Variants in UTP6 observed in about 807,000 individuals in gnomAD.
UTP6 encodes U3 small nucleolar RNA-associated protein 6 homolog.
UTP6 carries 60 observed loss-of-function variants against 96.5 expected under a neutral mutation model. The ratio of observed to expected loss-of-function variants is 0.62; its 90% CI spans 0.51 to 0.77. The LOEUF (loss-of-function observed/expected upper bound fraction) is 0.77. Ranked by LOEUF, UTP6 falls within the 30% of genes least tolerant of loss-of-function variation. UTP6 has a pLI of 0.00. For synonymous variants in UTP6, 215 were observed against 240.1 expected (o/e 0.90, Z 0.96); for missense variants, 637 against 706.5 (o/e 0.90, Z 1.12).
At chr17:31,896,625 C>CT (rs1050423624) in intron 2 of UTP6, among the ~76,000 whole-genome samples, 3 of 148,762 alleles carry the variant, frequency 2.0e-5, no homozygotes, top group Non-Finnish European at 4.4e-5. Flanking sequence ...TTTGTAGTGT[C>CT]TTTTTTGCAC....
rs1222598089 is a variant in UTP6, at chr17:31,861,746, T to C, written c.*1613A>G. ...CAAAGTATGGTAAAACAATGACATA[T>C]CACATTTCACCTATAAAATGGTAAA... On this transcript the variant is annotated 3_prime_UTR_variant, in exon 19 of 19. Transcript: ENST00000261708. 1.3e-5 allele frequency: 2 copies of C among 152,116 alleles called. No individual in the cohort carries two copies. The highest frequency in any genetic ancestry group is 1.9e-4 in the East Asian group (1 of 5,192). The allele number at this position is 152,116 out of a possible 1,614,324, so 9.4% of individuals were successfully genotyped here.
At chr17:31,899,426 C>A (rs955726014) in intron 2 of UTP6, among the ~76,000 whole-genome samples, 2 of 152,092 alleles carry the variant, frequency 1.3e-5, no homozygotes, top group African/African-American at 4.8e-5. Flanking sequence ...AACCCAGTCT[C>A]TACCAAAAAA....
intron 1 of UTP6, among the ~76,000 whole-genome samples, chr17:31,901,135 C>G (rs574403514): frequency 1.3e-5 from 2 of 152,316 alleles, no homozygotes; most frequent in African/African-American, 4.8e-5. Flanking sequence ...TCCACTCCCC[C>G]TGGGCTCTCA....
chr17:31,871,224 CCTT>C (rs1175110881), intron 16 of UTP6, among the ~76,000 whole-genome samples: 1 of 151,792 alleles, frequency 6.6e-6, no homozygotes, highest in Non-Finnish European at 1.5e-5. Flanking sequence ...GAACTCCTGA[CCTT>C]GTGATCCGCC....
intron 11 of UTP6, chr17:31,880,298 G>A (rs540665338): frequency 3.9e-5 from 15 of 385,858 alleles, no homozygotes; most frequent in East Asian, 2.8e-4. Flanking sequence ...GCGGGCACCC[G>A]TAGTCCCAGC....
intron 13 of UTP6, among the ~76,000 whole-genome samples, chr17:31,875,913 G>A (rs1173372040): frequency 1.3e-5 from 2 of 151,894 alleles, no homozygotes; most frequent in African/African-American, 2.4e-5. Context: ...GGCACGAAGT[G>A]AACAATTTAG....
At chr17:31,870,267 T>C (rs1290464832) in intron 16 of UTP6, among the ~76,000 whole-genome samples, 1 of 152,194 alleles carries the variant, frequency 6.6e-6, no homozygotes, top group East Asian at 1.9e-4. Flanking sequence ...CCACAGTGGC[T>C]GAACTAATTT....
At chr17:31,900,911 A>G (rs570695338) in intron 1 of UTP6, among the ~76,000 whole-genome samples, 7 of 152,340 alleles carry the variant, frequency 4.6e-5, no homozygotes, top group African/African-American at 1.7e-4. Context: ...TTTGTGTTTC[A>G]TTAACGAATG....
intron 7 of UTP6, among the ~76,000 whole-genome samples, chr17:31,888,563 G>A (rs1235913889): frequency 1.3e-5 from 2 of 152,042 alleles, no homozygotes; most frequent in Non-Finnish European, 2.9e-5. Flanking sequence ...ACAAAAATTA[G>A]CCGGACGTGG....
Position 31,889,406 on chromosome 17 carries a change from G to A in UTP6, c.425-3C>T, listed in dbSNP as rs1426666229. On this transcript the variant is annotated splice_region_variant and splice_polypyrimidine_tract_variant and intron_variant, in intron 6 of 18. Transcript: ENST00000261708. ...TTTGGCTGCCATAATCCACAAAGCT[G>A]TAAGTGAAAAACCATCAGATTTCAT... The A allele has an allele frequency of 3.1e-6, 5 of 1,603,362 alleles. No homozygotes were observed. The highest frequency in any genetic ancestry group is 8.5e-7 in the Non-Finnish European group (1 of 1,173,066).
chr17:31,898,711 C>A (rs1005700396), intron 2 of UTP6, among the ~76,000 whole-genome samples: 21 of 145,986 alleles, frequency 1.4e-4, no homozygotes, highest in African/African-American at 5.1e-4. Flanking sequence ...TTCAATTAAT[C>A]AACCAATCAA....
intron 14 of UTP6, among the ~76,000 whole-genome samples, chr17:31,874,964 T>C (rs981850035): frequency 1.3e-5 from 2 of 151,690 alleles, no homozygotes; most frequent in Non-Finnish European, 2.9e-5. Flanking sequence ...GGGCTTATAT[T>C]CAGCAAGTGA....
In UTP6 at chr17:31,863,387, T is replaced by C; in HGVS notation, c.1766A>G (p.His589Arg). ...TAAATGGCCAGTCTGATGCATAGCA[T>C]GTTTAGCTACAAATGCCTCTGCTGA... Reference protein sequence around the residue: ...GESAEAFVAKHAMHQTGHL With the variant: ...GESAEAFVAKRAMHQTGHL The change falls in exon 19 of 19, where the codon CAT becomes CGT. Residue 589 changes from histidine (H) to arginine (R), a missense_variant. Physicochemically the swap from His to Arg is conservative, Grantham distance 29. Coordinates refer to ENST00000261708, the MANE Select transcript of UTP6 (RefSeq NM_018428.3). The C allele has an allele frequency of 6.2e-7, 1 of 1,614,048 alleles. No homozygotes were observed. The highest frequency in any genetic ancestry group is 8.5e-7 in the Non-Finnish European group (1 of 1,179,974).
chr17:31,900,436 C>T (rs554678625), intron 1 of UTP6, among the ~76,000 whole-genome samples: 148 of 152,126 alleles, frequency 9.7e-4, no homozygotes, highest in Non-Finnish European at 1.9e-3. Context: ...GGACTACAGG[C>T]GCTCACCACC....
At chr17:31,887,437 T>C in intron 7 of UTP6, 124 bp from the exon 8 acceptor site, 1 of 712,462 alleles carries the variant, frequency 1.4e-6, no homozygotes. Flanking sequence ...GGCCATGAAT[T>C]CCTGCACTCA....
intron 17 of UTP6, among the ~76,000 whole-genome samples, chr17:31,866,096 G>A (rs1909795830): frequency 6.6e-6 from 1 of 151,560 alleles, no homozygotes; most frequent in African/African-American, 2.4e-5. Flanking sequence ...GACCATCCTG[G>A]CTACAACAGT....
intron 2 of UTP6, among the ~76,000 whole-genome samples, chr17:31,895,632 T>G (rs1598119793): frequency 6.6e-6 from 1 of 151,796 alleles, no homozygotes; most frequent in African/African-American, 2.4e-5. Context: ...CTCCTGGCTT[T>G]AAGAGATTCT....
intron 16 of UTP6, among the ~76,000 whole-genome samples, chr17:31,870,141 G>A (rs958532499): frequency 2.0e-5 from 3 of 152,020 alleles, no homozygotes; most frequent in African/African-American, 7.2e-5. Context: ...GAACATACGA[G>A]TACATGTCTT....
intron 8 of UTP6, among the ~76,000 whole-genome samples, chr17:31,886,870 G>A (rs554336122): frequency 3.2e-4 from 48 of 152,238 alleles, no homozygotes; most frequent in African/African-American, 9.4e-4. Flanking sequence ...ATCATACAGC[G>A]TTAAAGAATA....
Sources: allele counts gnomAD v4.1 joint callset (sites outside exome capture counted in the v4.1 genomes callset), GRCh38; gene constraint gnomAD v4.1.1; transcripts MANE v1.5; gene names NCBI Gene and HGNC (gene_info 2026-07-23, HGNC 2026-07-21).